The following BCAR3 variants were observed in gnomAD, a reference collection of about 807,000 sequenced individuals.
BCAR3 encodes BCAR3 adaptor protein, NSP family member, also known as breast cancer anti-estrogen resistance protein 3.
Under a neutral mutation model 80.1 loss-of-function variants are expected in BCAR3, and 37 were observed. The ratio of observed to expected loss-of-function variants is 0.46; its 90% CI spans 0.36 to 0.61. The LOEUF is 0.61. BCAR3 is among the 20% of genes least tolerant of loss of function. The pLI is 0.00. For synonymous variants in BCAR3, 389 were observed against 418.9 expected (o/e 0.93, Z 0.87); for missense variants, 978 against 1,068.2 (o/e 0.92, Z 1.18).
chr1:93,658,623 G>T (rs1227071981), intron 2 of BCAR3, among the ~76,000 whole-genome samples: 1 of 152,196 alleles, frequency 6.6e-6, no homozygotes. Context: ...CTGCACTCCA[G>T]CCTGGGCGAC....
At chr1:93,835,217 A>G (rs886335472) in intron 2 of BCAR3, among the ~76,000 whole-genome samples, 6 of 152,038 alleles carry the variant, frequency 3.9e-5, no homozygotes, top group African/African-American at 1.5e-4. Flanking sequence ...TTTCCTCACT[A>G]CTCAAGGGTC....
At chr1:93,844,753 G>A (rs1433221158) in intron 2 of BCAR3, among the ~76,000 whole-genome samples, 1 of 149,012 alleles carries the variant, frequency 6.7e-6, no homozygotes, top group Non-Finnish European at 1.5e-5. Flanking sequence ...CTGTCGCCCA[G>A]GCTGGAGTGC....
chr1:93,789,335 A>C (rs1209687055), intron 2 of BCAR3, among the ~76,000 whole-genome samples: 1 of 152,228 alleles, frequency 6.6e-6, no homozygotes, highest in East Asian at 1.9e-4. Flanking sequence ...AAGACACTGA[A>C]TCTAACATGT....
chr1:93,566,917 A>G (rs566697480), intron 11 of BCAR3, among the ~76,000 whole-genome samples: 60 of 152,196 alleles, frequency 3.9e-4, no homozygotes, highest in African/African-American at 1.4e-3. Context: ...TATTAGAGAC[A>G]GGGTTTCATC....
At chr1:93,711,292 CCTTAAGATATA>C (rs1416474510) in intron 2 of BCAR3, among the ~76,000 whole-genome samples, 2 of 152,190 alleles carry the variant, frequency 1.3e-5, no homozygotes, top group Non-Finnish European at 2.9e-5. Flanking sequence ...GCTTCCTTTC[CCTTAAGATATA>C]CTTGTATGGT....
chr1:93,837,703 G>T (rs1420745710), intron 2 of BCAR3, among the ~76,000 whole-genome samples: 1 of 152,206 alleles, frequency 6.6e-6, no homozygotes, highest in African/African-American at 2.4e-5. Flanking sequence ...AGCCATATCA[G>T]GTTGGGTTGT....
chr1:93,780,710 G>C (rs1401954280), intron 2 of BCAR3, among the ~76,000 whole-genome samples: 1 of 152,150 alleles, frequency 6.6e-6, no homozygotes, highest in Non-Finnish European at 1.5e-5. Context: ...GATCTGGACA[G>C]AAATTAGGGT....
intron 9 of BCAR3, 163 bp from the exon 10 acceptor site, chr1:93,568,014 C>T: frequency 1.9e-6 from 1 of 532,128 alleles, no homozygotes; most frequent in South Asian, 2.0e-5. Flanking sequence ...TGGTGAAACC[C>T]TGTCTCTACT....
chr1:93,776,423 C>T (rs1196984631), intron 2 of BCAR3, among the ~76,000 whole-genome samples: 1 of 152,110 alleles, frequency 6.6e-6, no homozygotes, highest in Non-Finnish European at 1.5e-5. Context: ...AAAGACTCTC[C>T]CCTTTGTAAA....
At chr1:93,816,987 A>C (rs1426113629) in intron 2 of BCAR3, among the ~76,000 whole-genome samples, 1 of 152,150 alleles carries the variant, frequency 6.6e-6, no homozygotes, top group Non-Finnish European at 1.5e-5. Flanking sequence ...TCAAAAAAAA[A>C]AGTCATAATA....
chr1:93,711,495 G>A (rs1650020573), intron 2 of BCAR3, among the ~76,000 whole-genome samples: 1 of 152,192 alleles, frequency 6.6e-6, no homozygotes, highest in African/African-American at 2.4e-5. Context: ...GCAAGATTTG[G>A]AAGAGGTACA....
chr1:93,768,572 C>A (rs539523710), intron 2 of BCAR3, among the ~76,000 whole-genome samples: 2 of 152,036 alleles, frequency 1.3e-5, no homozygotes, highest in Non-Finnish European at 2.9e-5. Context: ...AACTTAAAAC[C>A]GGAGCTGGGA....
At chr1:93,756,049 C>G (rs1651738682) in intron 2 of BCAR3, among the ~76,000 whole-genome samples, 1 of 152,080 alleles carries the variant, frequency 6.6e-6, no homozygotes, top group South Asian at 2.1e-4. Flanking sequence ...TTGTGGCTCT[C>G]CTGTCTAGAG....
At chr1:93,625,565 A>G (rs1350052250) in intron 3 of BCAR3, among the ~76,000 whole-genome samples, 3 of 152,216 alleles carry the variant, frequency 2.0e-5, no homozygotes, top group Non-Finnish European at 4.4e-5. Context: ...CTCTTTTGAG[A>G]ATGTGAATGG....
chr1:93,656,526 C>T (rs1647387079), intron 2 of BCAR3, among the ~76,000 whole-genome samples: 1 of 150,384 alleles, frequency 6.6e-6, no homozygotes, highest in African/African-American at 2.4e-5. Flanking sequence ...ATTCTGAGAC[C>T]ACTTATGATT....
chr1:93,646,337 T>C (rs1261127673), intron 2 of BCAR3: 1 of 152,202 alleles, frequency 6.6e-6, no homozygotes, highest in African/African-American at 2.4e-5. Flanking sequence ...TCACGGTGAC[T>C]CACGCCTGTA....
chr1:93,761,226 A>G (rs1292202796), intron 2 of BCAR3, among the ~76,000 whole-genome samples: 1 of 152,144 alleles, frequency 6.6e-6, no homozygotes, highest in Non-Finnish European at 1.5e-5. Flanking sequence ...ACTCCCTAGA[A>G]CACTAAATCT....
intron 2 of BCAR3, among the ~76,000 whole-genome samples, chr1:93,837,810 C>A (rs1654820897): frequency 6.6e-6 from 1 of 152,208 alleles, no homozygotes; most frequent in South Asian, 2.1e-4. Flanking sequence ...ACCAGCCCAG[C>A]AGAGTGGTGG....
chr1:93,843,847 G>T lies in BCAR3; in HGVS notation c.-63+1720C>A, dbSNP rs966513597. On this transcript the variant is annotated intron_variant, in intron 2 of 13. Coordinates refer to the BCAR3 transcript ENST00000370244. ...GAATTATGTCTTAAACTTTCACTTG[G>T]TTCCCACAGTAGGCCTAACTGTATT... Among the ~76,000 whole-genome samples the T allele has an allele frequency of 8.5e-5, 13 of 152,160 alleles. No homozygotes were observed. In the East Asian group the frequency reaches 2.5e-3, roughly 29 times the overall value.
Sources: gnomAD v4.1 joint callset for allele counts (sites outside exome capture counted in the v4.1 genomes callset) on GRCh38, gnomAD v4.1.1 for gene constraint, MANE v1.5 for transcripts, NCBI Gene and HGNC (gene_info 2026-07-23, HGNC 2026-07-21) for gene names.